Variants in TMPRSS15 observed in about 807,000 individuals in gnomAD.
TMPRSS15 encodes transmembrane serine protease 15.
TMPRSS15 carries 128 observed loss-of-function variants against 125.3 expected under a neutral mutation model. That is an observed-to-expected ratio of 1.02 (90% CI 0.89 to 1.18). The LOEUF is 1.18. TMPRSS15 is among the 50% of genes most tolerant of loss of function. The pLI is 0.00. For synonymous variants in TMPRSS15, 446 were observed against 423.2 expected (o/e 1.05, Z -0.66); for missense variants, 1,283 against 1,212.7 (o/e 1.06, Z -0.86).
chr21:18,285,945 A>G (rs904230228), intron 21 of TMPRSS15, among the ~76,000 whole-genome samples: 88 of 152,294 alleles, frequency 5.8e-4, no homozygotes, highest in Non-Finnish European at 5.4e-4. Context: ...GAATATTTTT[A>G]TTTAATTTTA....
intron 13 of TMPRSS15, among the ~76,000 whole-genome samples, chr21:18,338,199 C>A (rs1435532194): frequency 6.6e-6 from 1 of 151,946 alleles, no homozygotes; most frequent in East Asian, 1.9e-4. Flanking sequence ...AAAAAAGTTA[C>A]CTCAAATTTT....
At chr21:18,328,270 AAAAT>A (rs1303248838) in intron 15 of TMPRSS15, among the ~76,000 whole-genome samples, 2 of 152,198 alleles carry the variant, frequency 1.3e-5, no homozygotes, top group African/African-American at 2.4e-5. Flanking sequence ...ATAAAAAAGA[AAAAT>A]AAACTGGTCA....
Position 18,294,372 on chromosome 21 carries a change from G to T in TMPRSS15, c.2384C>A (p.Ala795Asp). Residue 795 changes from alanine to aspartate, a missense_variant, in exon 21 of 25, where the codon GCC becomes GAC. Physicochemically the swap from Ala to Asp is moderately radical, Grantham distance 126. Coordinates refer to ENST00000284885, the MANE Select transcript of TMPRSS15 (RefSeq NM_002772.3). ...IVGGSNAKEG[A>D]WPWVVGLYYG... ...ATACAGACCCACAACCCAGGGCCAG[G>T]CCCCTTCTTTGGCATTACTTCCTCC... The T allele has an allele frequency of 6.2e-7, 1 of 1,614,230 alleles. No homozygotes were observed. The highest frequency in any genetic ancestry group is 8.5e-7 in the Non-Finnish European group (1 of 1,180,042).
rs1978374049 is a variant in TMPRSS15, at chr21:18,453,125, C to G, written c.10+32674G>C. 2.0e-5 allele frequency among the ~76,000 whole-genome samples: 3 copies of G among 152,290 alleles called. No homozygotes were observed. The South Asian group carries it at 6.2e-4, about 32-fold the overall frequency. ...AAACAACCCCACATTTTTAATTTTG[C>G]AATGTCACATGTCAATCCCTTTAAA... On this transcript the variant is annotated intron_variant, in intron 1 of 7. Coordinates refer to the TMPRSS15 transcript ENST00000422787.
chr21:18,396,791 A>AAATCT (rs547335576), intron 3 of TMPRSS15, among the ~76,000 whole-genome samples: 4,909 of 57,552 alleles, frequency 0.085, 225 homozygotes, highest in East Asian at 0.21. Flanking sequence ...AAAAAAAAAA[A>AAATCT]ATCTGTCTGT....
intron 21 of TMPRSS15, 76 bp from the exon 22 acceptor site, chr21:18,281,297 A>T: frequency 8.3e-7 from 1 of 1,200,958 alleles, no homozygotes; most frequent in Non-Finnish European, 1.2e-6. Flanking sequence ...TCATCATGAC[A>T]TTTCAGAATA....
chr21:18,316,642 G>T (rs781292228), intron 16 of TMPRSS15, among the ~76,000 whole-genome samples: 19 of 152,320 alleles, frequency 1.2e-4, no homozygotes, highest in Non-Finnish European at 2.1e-4. Flanking sequence ...CCTGGGCAAA[G>T]AAGAAACTGG....
At chr21:18,338,889 A>C (rs945812001) in intron 13 of TMPRSS15, among the ~76,000 whole-genome samples, 8 of 152,102 alleles carry the variant, frequency 5.3e-5, no homozygotes, top group African/African-American at 1.9e-4. Flanking sequence ...CAATTTTATG[A>C]CCAATATTAT....
chr21:18,415,056 G>A (rs1011748126), intron 1 of TMPRSS15, among the ~76,000 whole-genome samples: 2 of 151,952 alleles, frequency 1.3e-5, no homozygotes, highest in African/African-American at 4.8e-5. Flanking sequence ...CACCCTAAAG[G>A]TGTGAGGTAA....
intron 21 of TMPRSS15, among the ~76,000 whole-genome samples, chr21:18,288,633 C>T (rs1046842667): frequency 7.4e-5 from 11 of 148,338 alleles, no homozygotes; most frequent in African/African-American, 1.7e-4. Flanking sequence ...CTTCGCCTCC[C>T]GGGTTCAAGC....
chr21:18,365,626 T>TTC lies in TMPRSS15; in HGVS notation c.665-380_665-379dup, dbSNP rs57900704. Among the ~76,000 whole-genome samples, 24 of 111,814 alleles carry TTC rather than the reference T, an allele frequency of 2.1e-4. 3 individuals carry two copies. The highest frequency in any genetic ancestry group is 4.7e-4 in the African/African-American group (12 of 25,552). 73.4% of individuals were successfully genotyped at this position (111,814 alleles called of 152,430 possible). ...TCTTTCCTTCCTTTTCTCTCTTTCTTTCTCTTTCTCTCTCTTTTTCCTCCC... is the reference window on the plus strand; with the variant it reads ...TCTTTCCTTCCTTTTCTCTCTTTCTTTCTCTCTTTCTCTCTCTTTTTCCTCCC... On this transcript the variant is annotated intron_variant, in intron 6 of 24. Coordinates refer to ENST00000284885, the MANE Select transcript of TMPRSS15 (RefSeq NM_002772.3).
chr21:18,369,121 G>A (rs193053537), intron 6 of TMPRSS15, among the ~76,000 whole-genome samples: 4 of 152,216 alleles, frequency 2.6e-5, no homozygotes, highest in Admixed American at 2.0e-4. Flanking sequence ...ACATAAATGA[G>A]CCTGTCAAAT....
chr21:18,434,778 GATT>G (rs1259712542), intron 1 of TMPRSS15, among the ~76,000 whole-genome samples: 5 of 152,094 alleles, frequency 3.3e-5, no homozygotes, highest in Non-Finnish European at 5.9e-5. Flanking sequence ...TTGGAAGAAA[GATT>G]ATTAAAAGGC....
In TMPRSS15 at chr21:18,326,435, G is replaced by T; in HGVS notation, c.1918C>A (p.Pro640Thr). Residue 640 changes from proline to threonine, a missense_variant, in exon 16 of 25, where the codon CCA (proline) becomes ACA (threonine). Coordinates refer to ENST00000284885, the MANE Select transcript of TMPRSS15 (RefSeq NM_002772.3). ...NFTTGYHLGI[P>T]EPCKADHFQC... is the part of the protein sequence containing the mutation. The stretch of plus-strand genomic sequence containing the variant: ...TGTGTGATTTATGGGCTCCTACCTG[G>T]AATCCCCAAGTGATAGCCAGTAGTA... 6.2e-7 allele frequency: 1 copy of T among 1,614,072 alleles called. No individual in the cohort carries two copies. The highest frequency in any genetic ancestry group is 8.5e-7 in the Non-Finnish European group (1 of 1,179,970).
chr21:18,463,969 T>C (rs1395979570), intron 1 of TMPRSS15, among the ~76,000 whole-genome samples: 3 of 151,918 alleles, frequency 2.0e-5, no homozygotes, highest in African/African-American at 7.3e-5. Flanking sequence ...GGTCAGGAGA[T>C]GGAGACCATC....
chr21:18,424,111 A>G (rs1333086473), intron 1 of TMPRSS15, among the ~76,000 whole-genome samples: 1 of 152,214 alleles, frequency 6.6e-6, no homozygotes, highest in Non-Finnish European at 1.5e-5. Context: ...TTTTCTTTTC[A>G]TCTGAAAACA....
Position 18,315,240 on chromosome 21 carries a change from G to T in TMPRSS15, c.1938C>A (p.Asp646Glu), listed in dbSNP as rs774147379. The stretch of plus-strand genomic sequence containing the variant: ...ACTCTCCATTTTTACATTGAAAATG[G>T]TCTGCCTTGCATGGCTCTATGGGGA... ...HLGIPEPCKA[D>E]HFQCKNGECV... The change falls in exon 17 of 25, where the codon GAC becomes GAA. Residue 646 changes from aspartate to glutamate, a missense_variant. Asp to Glu is a conservative substitution (Grantham distance 45). Transcript: ENST00000284885. The T allele has an allele frequency of 1.2e-6, 2 of 1,613,362 alleles. No homozygotes were observed. The highest frequency in any genetic ancestry group is 1.7e-6 in the Non-Finnish European group (2 of 1,179,736).
At chr21:18,454,126 T>C (rs1371164633) in intron 1 of TMPRSS15, among the ~76,000 whole-genome samples, 1 of 152,202 alleles carries the variant, frequency 6.6e-6, no homozygotes, top group Non-Finnish European at 1.5e-5. Context: ...CAATATCATA[T>C]AAGAAACTCA....
intron 22 of TMPRSS15, 74 bp downstream of exon 22, chr21:18,280,966 T>C (rs1323309800): frequency 3.4e-6 from 5 of 1,454,242 alleles, no homozygotes; most frequent in East Asian, 2.3e-5. Flanking sequence ...TGCATTGACA[T>C]TGATAATATT....
Sources: gnomAD v4.1 joint callset for allele counts (sites outside exome capture counted in the v4.1 genomes callset) on GRCh38, gnomAD v4.1.1 for gene constraint, MANE v1.5 for transcripts, NCBI Gene and HGNC (gene_info 2026-07-23, HGNC 2026-07-21) for gene names.